LINGO2: variants seen among roughly 807,000 people sequenced by gnomAD.
LINGO2 encodes the protein leucine rich repeat and Ig domain containing 2, also known as leucine-rich repeat and immunoglobulin-like domain-containing nogo receptor-interacting protein 2.
A neutral mutation model predicts 30.6 loss-of-function variants in LINGO2; 14 were observed. The observed-to-expected ratio is 0.46, with a 90% confidence interval of 0.30 to 0.72. The LOEUF (loss-of-function observed/expected upper bound fraction) is 0.72. LINGO2 is among the 30% of genes least tolerant of loss of function. The pLI is 0.07. For synonymous variants in LINGO2, 317 were observed against 288.5 expected, an observed-to-expected ratio of 1.10 and a Z score of -1.00; for missense variants, 729 against 751.7, an observed-to-expected ratio of 0.97 and a Z score of 0.35.
intron 4 of LINGO2, among the ~76,000 whole-genome samples, chr9:28,015,199 G>T (rs909431740): frequency 3.9e-5 from 6 of 152,144 alleles, no homozygotes; most frequent in African/African-American, 1.4e-4. Flanking sequence ...TTGGATAGGA[G>T]CTGGGATAAC....
At chr9:28,150,259 T>A (rs1248628249) in intron 4 of LINGO2, among the ~76,000 whole-genome samples, 1 of 152,248 alleles carries the variant, frequency 6.6e-6, no homozygotes, top group East Asian at 1.9e-4. Context: ...GAGGAGCATC[T>A]CTGCCCGGCT....
At chr9:29,029,514 G>A in the LINGO2 span, among the ~76,000 whole-genome samples, 1 of 152,042 alleles carries the variant, frequency 6.6e-6, no homozygotes, top group African/African-American at 2.4e-5. Context: ...AATTCACTAT[G>A]TAATCCCCAG....
At chr9:28,021,259 A>G (rs1374917500) in intron 4 of LINGO2, among the ~76,000 whole-genome samples, 1 of 151,990 alleles carries the variant, frequency 6.6e-6, no homozygotes, top group Admixed American at 6.6e-5. Context: ...GAGTTCTTTG[A>G]CCCATGTGTT....
the LINGO2 span, among the ~76,000 whole-genome samples, chr9:29,091,149 G>C: frequency 1.3e-5 from 2 of 151,950 alleles, no homozygotes; most frequent in African/African-American, 4.8e-5. Flanking sequence ...ATTGAAAATT[G>C]CAGTTCCAAA....
At chr9:27,949,827 T>C (rs760065560) in exon 6 of LINGO2, 2 of 1,613,854 alleles carry the variant, frequency 1.2e-6, no homozygotes, top group Non-Finnish European at 1.7e-6. Context: ...GATGGGATTG[T>C]AGGAGAGGTT....
chr9:28,515,805 A>C (rs568728051), intron 1 of LINGO2, among the ~76,000 whole-genome samples: 1 of 152,354 alleles, frequency 6.6e-6, no homozygotes, highest in East Asian at 1.9e-4. Context: ...GAGAGGACTG[A>C]TTCCATTTTA....
intron 1 of LINGO2, among the ~76,000 whole-genome samples, chr9:28,541,159 A>G (rs1176418898): frequency 1.3e-5 from 2 of 152,192 alleles, no homozygotes; most frequent in Non-Finnish European, 2.9e-5. Flanking sequence ...AACTCAAACT[A>G]TGCAGTATTT....
the LINGO2 span, among the ~76,000 whole-genome samples, chr9:28,836,601 C>T: frequency 1.5e-4 from 23 of 152,070 alleles, no homozygotes; most frequent in Admixed American, 1.2e-3. Context: ...TAGGCATGAG[C>T]CACCACGCCT....
At chr9:28,729,738 A>C in the LINGO2 span, among the ~76,000 whole-genome samples, 1 of 152,064 alleles carries the variant, frequency 6.6e-6, no homozygotes, top group African/African-American at 2.4e-5. Context: ...TCTCCATTAT[A>C]CTCAATATTC....
chr9:28,673,026 G>A (rs972019610), upstream of LINGO2, among the ~76,000 whole-genome samples: 1 of 152,052 alleles, frequency 6.6e-6, no homozygotes, highest in African/African-American at 2.4e-5. Flanking sequence ...AAACTAAATG[G>A]TCAAGTGAGT....
At chr9:28,821,818 G>A in the LINGO2 span, among the ~76,000 whole-genome samples, 4 of 152,248 alleles carry the variant, frequency 2.6e-5, no homozygotes, top group South Asian at 2.1e-4. Context: ...TAGAGGATAC[G>A]GGAAAGAGCA....
chr9:27,981,883 C>A (rs780153644), intron 5 of LINGO2, among the ~76,000 whole-genome samples: 34 of 151,824 alleles, frequency 2.2e-4, no homozygotes, highest in African/African-American at 8.2e-4. Context: ...TGTTCAAAGG[C>A]TGATTTTAGA....
intron 4 of LINGO2, among the ~76,000 whole-genome samples, chr9:28,101,390 C>A (rs1009842693): frequency 6.6e-6 from 1 of 152,084 alleles, no homozygotes; most frequent in Admixed American, 6.6e-5. Context: ...AGTAAGACAG[C>A]ACTTCAAAAT....
the LINGO2 span, among the ~76,000 whole-genome samples, chr9:28,855,822 T>C: frequency 6.6e-6 from 1 of 152,064 alleles, no homozygotes; most frequent in Non-Finnish European, 1.5e-5. Context: ...GTTAAGGCAA[T>C]TCCAGTTTGC....
intron 2 of LINGO2, among the ~76,000 whole-genome samples, chr9:28,448,300 G>A (rs749360214): frequency 4.6e-5 from 7 of 151,998 alleles, no homozygotes; most frequent in Non-Finnish European, 8.8e-5. Context: ...GGACATGACT[G>A]GTACTAAAAG....
intron 1 of LINGO2, among the ~76,000 whole-genome samples, chr9:28,552,231 G>T (rs1217610177): frequency 3.9e-5 from 6 of 151,970 alleles, no homozygotes; most frequent in Non-Finnish European, 1.5e-5. Context: ...GTCACCTTGT[G>T]ATGGGTGATT....
chr9:28,091,634 A>G (rs371483243), intron 4 of LINGO2, among the ~76,000 whole-genome samples: 8 of 152,060 alleles, frequency 5.3e-5, no homozygotes, highest in South Asian at 2.1e-4. Context: ...CAGGACATAG[A>G]CATGGGCAAG....
At chr9:28,878,617 G>A in the LINGO2 span, among the ~76,000 whole-genome samples, 7 of 152,218 alleles carry the variant, frequency 4.6e-5, no homozygotes, top group Non-Finnish European at 1.0e-4. Context: ...GAATCCAGCA[G>A]AATATCAAAA....
chr9:28,162,811 T>C (rs1428281671), intron 4 of LINGO2, among the ~76,000 whole-genome samples: 1 of 152,180 alleles, frequency 6.6e-6, no homozygotes, highest in East Asian at 1.9e-4. Flanking sequence ...TGGACATGAT[T>C]GTTCATGTAT....
Sources: gnomAD v4.1 joint callset for allele counts (sites outside exome capture counted in the v4.1 genomes callset) on GRCh38, gnomAD v4.1.1 for gene constraint, MANE v1.5 for transcripts, NCBI Gene and HGNC (gene_info 2026-07-23, HGNC 2026-07-21) for gene names.